The following CACNA1D variants were observed in gnomAD, a reference collection of about 807,000 sequenced individuals.
CACNA1D encodes calcium voltage-gated channel subunit alpha1 D.
Under a neutral mutation model 257.1 loss-of-function variants are expected in CACNA1D, and 55 were observed. The ratio of observed to expected loss-of-function variants is 0.21; its 90% CI spans 0.17 to 0.27. The LOEUF is 0.27. CACNA1D is among the 10% of genes least tolerant of loss of function. CACNA1D has a pLI of 1.00. For missense variants in CACNA1D, 1,876 were observed against 2,784.0 expected (o/e 0.67, Z 7.34); for synonymous variants, 980 against 1,014.9 (o/e 0.97, Z 0.65).
chr3:53,783,340 G>T lies in CACNA1D; in HGVS notation c.4792+1673G>T, dbSNP rs560280529. Reference sequence around the variant, plus strand: ...GTCCAGAATTTAGCTCGCCATCGAAGCTCCCTTCCTTTGAAAAGCTGATCA... The same window carrying T: ...GTCCAGAATTTAGCTCGCCATCGAATCTCCCTTCCTTTGAAAAGCTGATCA... On this transcript the variant is annotated intron_variant, in intron 39 of 47. Coordinates refer to ENST00000350061, the MANE Select transcript of CACNA1D (RefSeq NM_001128840.3). Among the ~76,000 whole-genome samples, 15 of 152,310 alleles carry T rather than the reference G, an allele frequency of 9.8e-5. No homozygotes were observed. The East Asian group carries it at 2.9e-3, about 29-fold the overall frequency.
chr3:53,673,126 G>T lies in CACNA1D; in HGVS notation c.1220G>T (p.Gly407Val). The T allele has an allele frequency of 6.5e-7, 1 of 1,539,060 alleles. No homozygotes were observed. Among genetic ancestry groups the T allele is most frequent in the Non-Finnish European group, 8.8e-7 (1 of 1,135,334 alleles). The change falls in exon 8 of 48, where the codon GGA (glycine) becomes GTA (valine). Residue 407 changes from glycine to valine, a missense_variant and splice_region_variant. By Grantham distance (109) the Gly-to-Val change is moderately radical. This residue lies in a region of CACNA1D where 188 missense variants were observed against 390.4 expected (regional missense o/e 0.48). Coordinates refer to ENST00000350061, the MANE Select transcript of CACNA1D (RefSeq NM_001128840.3). The surrounding 1 kb of genome is among the most constrained non-coding windows in gnomAD (Gnocchi z 4.1). ...VLNLVLGVLS[G>V]EFSKEREKAK... The stretch of plus-strand genomic sequence containing the variant: ...AATCTTGTACTTGGTGTATTGAGCG[G>T]GTAAGCTACACCTCTTTCATCTTGA...
chr3:53,691,149 C>CTTTTT (rs746562216), intron 8 of CACNA1D, among the ~76,000 whole-genome samples: 1 of 139,830 alleles, frequency 7.2e-6, no homozygotes, highest in Non-Finnish European at 1.5e-5. Flanking sequence ...AAGAATACCT[C>CTTTTT]TTTTTTTTTT....
chr3:53,609,664 G>T (rs1021237281), intron 3 of CACNA1D, among the ~76,000 whole-genome samples: 1 of 151,926 alleles, frequency 6.6e-6, no homozygotes. Flanking sequence ...CCTTTTCTGC[G>T]ATCAGTCTAG....
chr3:53,750,900 AG>A (rs1230800864), intron 27 of CACNA1D, among the ~76,000 whole-genome samples: 1 of 152,176 alleles, frequency 6.6e-6, no homozygotes, highest in African/African-American at 2.4e-5. Context: ...CCTGCTGCAG[AG>A]GGTGGACCAG....
chr3:53,644,541 G>GA (rs927890971), intron 3 of CACNA1D, among the ~76,000 whole-genome samples: 1 of 152,072 alleles, frequency 6.6e-6, no homozygotes, highest in Non-Finnish European at 1.5e-5. Flanking sequence ...AGTGTTTTTA[G>GA]ACTCCTCATA....
At chr3:53,615,633 C>T (rs745886730) in intron 3 of CACNA1D, among the ~76,000 whole-genome samples, 2 of 152,154 alleles carry the variant, frequency 1.3e-5, no homozygotes, top group African/African-American at 2.4e-5. Flanking sequence ...TGTTTATTAG[C>T]GAGAGGAGCC....
chr3:53,728,438 C>T (rs951252474), intron 15 of CACNA1D, among the ~76,000 whole-genome samples: 1 of 152,196 alleles, frequency 6.6e-6, no homozygotes, highest in African/African-American at 2.4e-5. Context: ...TGCGCCCGGC[C>T]TGTCTACTGG....
At chr3:53,732,170 C>A in intron 18 of CACNA1D, 88 bp downstream of exon 18, 1 of 1,038,540 alleles carries the variant, frequency 9.6e-7, no homozygotes, top group Non-Finnish European at 1.5e-6. Context: ...GGCCAGCCAG[C>A]CCAGCAGCGT....
At chr3:53,739,588 T>G (rs1290139291) in intron 20 of CACNA1D, among the ~76,000 whole-genome samples, 1 of 151,986 alleles carries the variant, frequency 6.6e-6, no homozygotes, top group Non-Finnish European at 1.5e-5. Flanking sequence ...ACCAAGTCAG[T>G]CTGTTATTTG....
At chr3:53,631,631 A>G (rs13084908) in intron 3 of CACNA1D, among the ~76,000 whole-genome samples, 15,646 of 152,208 alleles carry the variant, frequency 0.1, 958 homozygotes, top group African/African-American at 0.16. Flanking sequence ...GAGGTTTTCA[A>G]TTTACTTTGC....
intron 3 of CACNA1D, among the ~76,000 whole-genome samples, chr3:53,514,628 C>T (rs2091262500): frequency 6.6e-6 from 1 of 152,092 alleles, no homozygotes; most frequent in African/African-American, 2.4e-5. Flanking sequence ...GTGCTGTGAG[C>T]CAGAGGTTTA....
intron 3 of CACNA1D, among the ~76,000 whole-genome samples, chr3:53,647,339 A>T (rs1053511016): frequency 6.6e-6 from 1 of 152,152 alleles, no homozygotes; most frequent in Admixed American, 6.5e-5. Flanking sequence ...GTACCTGGGG[A>T]AGGGCTGTTA....
intron 3 of CACNA1D, among the ~76,000 whole-genome samples, chr3:53,591,197 T>G (rs2093299193): frequency 6.6e-6 from 1 of 152,186 alleles, no homozygotes; most frequent in South Asian, 2.1e-4. Context: ...TCTAATTCTT[T>G]CCTTGAATCC....
intron 3 of CACNA1D, among the ~76,000 whole-genome samples, chr3:53,648,236 G>A (rs577902817): frequency 1.3e-5 from 2 of 152,128 alleles, no homozygotes; most frequent in South Asian, 4.2e-4. Flanking sequence ...AGGATAAAAA[G>A]GGATGAATTG....
chr3:53,570,752 A>G (rs1008752051), intron 3 of CACNA1D, among the ~76,000 whole-genome samples: 4 of 152,250 alleles, frequency 2.6e-5, no homozygotes, highest in Admixed American at 6.5e-5. Flanking sequence ...TCTAACGCAT[A>G]TCACTCTGCA....
At chr3:53,528,406 C>T (rs909095066) in intron 3 of CACNA1D, among the ~76,000 whole-genome samples, 4 of 152,184 alleles carry the variant, frequency 2.6e-5, no homozygotes, top group Non-Finnish European at 4.4e-5. Context: ...TATGCTATCT[C>T]TGTACTGTTA....
At chr3:53,567,600 T>C (rs1015305550) in intron 3 of CACNA1D, among the ~76,000 whole-genome samples, 2 of 152,212 alleles carry the variant, frequency 1.3e-5, no homozygotes, top group African/African-American at 2.4e-5. Context: ...AGCGAGAACT[T>C]ACTCTCTAGG....
intron 3 of CACNA1D, among the ~76,000 whole-genome samples, chr3:53,527,576 G>A (rs1486475262): frequency 2.0e-5 from 3 of 152,154 alleles, no homozygotes; most frequent in South Asian, 2.1e-4. Context: ...GGTTTAAGTC[G>A]TTGATCTTGG....
chr3:53,787,207 C>A (rs896561634), intron 40 of CACNA1D, among the ~76,000 whole-genome samples: 2 of 152,148 alleles, frequency 1.3e-5, no homozygotes, highest in African/African-American at 2.4e-5. Context: ...CGGAGAGGAG[C>A]GAGCGCTACC....
Sources: allele counts gnomAD v4.1 joint callset (sites outside exome capture counted in the v4.1 genomes callset), GRCh38; gene constraint gnomAD v4.1.1; regional missense constraint gnomAD v4.1.1; non-coding constraint Gnocchi (gnomAD v3.1); transcripts MANE v1.5; gene names NCBI Gene and HGNC (gene_info 2026-07-23, HGNC 2026-07-21).